The following MEAK7 variants were observed in gnomAD, a reference collection of about 807,000 sequenced individuals.
MEAK7 encodes MTOR-associated protein MEAK7.
Under a neutral mutation model 40.5 loss-of-function variants are expected in MEAK7, and 68 were observed. The ratio of observed to expected loss-of-function variants is 1.68; its 90% CI spans 1.38 to 2.06. The LOEUF (loss-of-function observed/expected upper bound fraction) is 2.06. Ranked by LOEUF, MEAK7 falls within the 30% of genes most tolerant of loss-of-function variation. The probability of loss-of-function intolerance (pLI) is 0.00; values close to 1 mark genes in which losing one functional copy is unlikely to be tolerated. For synonymous variants in MEAK7, 338 were observed against 231.9 expected (o/e 1.46, Z -4.16); for missense variants, 918 against 580.5 (o/e 1.58, Z -5.98).
chr16:84,493,807 GA>G (rs1264633857), intron 3 of MEAK7, among the ~76,000 whole-genome samples: 3 of 152,176 alleles, frequency 2.0e-5, no homozygotes, highest in African/African-American at 7.2e-5. Flanking sequence ...AGATTACCTT[GA>G]GAAAATGAAG....
chr16:84,498,584 T>C (rs1453526923), intron 1 of MEAK7, among the ~76,000 whole-genome samples: 2 of 152,064 alleles, frequency 1.3e-5, no homozygotes, highest in Non-Finnish European at 2.9e-5. Flanking sequence ...TAATATTGTT[T>C]TGATGTGACA....
chr16:84,501,710 G>C (rs896693521), intron 1 of MEAK7, among the ~76,000 whole-genome samples: 1 of 152,146 alleles, frequency 6.6e-6, no homozygotes, highest in Non-Finnish European at 1.5e-5. Context: ...TGCCAGTGAG[G>C]TGGGAAGGTG....
At chr16:84,494,697 G>C (rs530829851) in intron 3 of MEAK7, 1 of 393,110 alleles carries the variant, frequency 2.5e-6, no homozygotes, top group East Asian at 8.0e-5. Context: ...CGGGACATGA[G>C]ACTTCACAAC....
chr16:84,489,501 A>G, intron 3 of MEAK7, 79 bp from the exon 4 acceptor site: 1 of 1,474,232 alleles, frequency 6.8e-7, no homozygotes, highest in Non-Finnish European at 9.1e-7. Context: ...GGAGAAGGGC[A>G]ATTTTCTTTA....
At chr16:84,480,814 G>A in intron 6 of MEAK7, 106 bp from the exon 7 acceptor site, 1 of 1,270,546 alleles carries the variant, frequency 7.9e-7, no homozygotes, top group Non-Finnish European at 1.1e-6. Flanking sequence ...CCTGAGACAG[G>A]GGCGGGTGAG....
rs556419175 is a variant in MEAK7 at position 84,500,323 on chromosome 16, G to C, written c.-25-2212C>G. ...TCCAATTTCCAGTGTCGACACCTAG[G>C]AGTGGACTTGCTGGGTCACATGGTA... On this transcript the variant is annotated intron_variant, in intron 1 of 7. Transcript: ENST00000343629. Among the ~76,000 whole-genome samples, 8 of 152,244 alleles carry C rather than the reference G, an allele frequency of 5.3e-5. No homozygotes were observed. In the South Asian group the frequency reaches 1.0e-3, roughly 20 times the overall value.
intron 1 of MEAK7, among the ~76,000 whole-genome samples, chr16:84,500,788 G>A (rs1420844382): frequency 6.6e-6 from 1 of 152,138 alleles, no homozygotes; most frequent in African/African-American, 2.4e-5. Context: ...TCTGGGTGCT[G>A]CAGGGACACA....
chr16:84,495,867 T>C lies in MEAK7; in HGVS notation c.200A>G (p.Tyr67Cys), dbSNP rs757139711. ...ALPPEMVTRL[Y>C]DGMRRVDLTG... ...CAGGTCGACCCTCCGCATGCCATCA[T>C]ACAGCCTGGTGACCATCTCTGGGGG... Residue 67 changes from tyrosine (Y) to cysteine (C), a missense_variant, in exon 3 of 8, where the codon TAT (tyrosine) becomes TGT (cysteine). Physicochemically the swap from Tyr to Cys is radical, Grantham distance 194 (BLOSUM62 -2). Coordinates refer to ENST00000343629, the MANE Select transcript of MEAK7 (RefSeq NM_020947.4). 6 of 1,613,996 alleles carry C rather than the reference T, an allele frequency of 3.7e-6. No homozygotes were observed. Among genetic ancestry groups the C allele is most frequent in the Middle Eastern group, 1.6e-4 (1 of 6,084 alleles).
At chr16:84,492,520 C>G (rs187523782) in intron 3 of MEAK7, among the ~76,000 whole-genome samples, 8 of 151,828 alleles carry the variant, frequency 5.3e-5, no homozygotes, top group Admixed American at 4.6e-4. Context: ...GGCTAAATGA[C>G]TTATTTTACA....
chr16:84,483,881 A>C (rs1373645208), intron 5 of MEAK7, among the ~76,000 whole-genome samples: 1 of 152,248 alleles, frequency 6.6e-6, no homozygotes, highest in East Asian at 1.9e-4. Flanking sequence ...TGGAGGAAGG[A>C]GGATAGTTAG....
intron 2 of MEAK7, among the ~76,000 whole-genome samples, chr16:84,496,895 A>T (rs1373551041): frequency 6.6e-6 from 1 of 152,142 alleles, no homozygotes; most frequent in African/African-American, 2.4e-5. Flanking sequence ...GCATGTCGGA[A>T]TTTATTAACA....
At position 84,495,895 on chromosome 16, in the gene MEAK7, G is replaced by A. The variant is rs1380044150; in HGVS notation, c.172C>T (p.Leu58Phe). The A allele has an allele frequency of 1.9e-6, 3 of 1,614,054 alleles. No homozygotes were observed. Among genetic ancestry groups the A allele is most frequent in the East Asian group, 2.2e-5 (1 of 44,878 alleles). The part of the protein sequence containing the change: ...KALQNHVGEA[L>F]PPEMVTRLYD... ...AGCCTGGTGACCATCTCTGGGGGAA[G>A]AGCTTCCCCGACGTGGTTCTGCCGG... is the stretch of plus-strand genomic sequence containing the variant. Residue 58 changes from leucine to phenylalanine, a missense_variant, in exon 3 of 8, where the codon CTT becomes TTT. By Grantham distance (22) the Leu-to-Phe change is conservative (BLOSUM62 0). Coordinates refer to ENST00000343629, the MANE Select transcript of MEAK7 (RefSeq NM_020947.4).
chr16:84,486,028 G>C (rs1425869789), intron 5 of MEAK7: 1 of 149,338 alleles, frequency 6.7e-6, no homozygotes, highest in East Asian at 1.9e-4. Flanking sequence ...GTCTCACTAT[G>C]TTGCCCATGC....
At chr16:84,480,434 G>A (rs983078337) in intron 7 of MEAK7, 95 bp downstream of exon 7, 44 of 1,394,890 alleles carry the variant, frequency 3.2e-5, no homozygotes, top group African/African-American at 4.4e-5. Context: ...TAAACTATCT[G>A]CAGACAGAAG....
intron 3 of MEAK7, among the ~76,000 whole-genome samples, chr16:84,493,481 C>G (rs1913798082): frequency 6.6e-6 from 1 of 152,218 alleles, no homozygotes; most frequent in African/African-American, 2.4e-5. Flanking sequence ...ACCGAACTAA[C>G]AGATGACCGA....
At chr16:84,499,211 A>C (rs1182921568) in intron 1 of MEAK7, among the ~76,000 whole-genome samples, 2 of 152,188 alleles carry the variant, frequency 1.3e-5, no homozygotes, top group South Asian at 4.1e-4. Context: ...GGATTCAAAC[A>C]AAAAAGCATG....
Position 84,488,694 on chromosome 16 carries a change from T to C in MEAK7, c.529+584A>G, listed in dbSNP as rs535273919. On this transcript the variant is annotated intron_variant, in intron 4 of 7. Transcript: ENST00000343629. ...AAATAACACACTGTTACATAGCCAG[T>C]AGGCCAAATGAAAAAATCCTAAGGG... Among the ~76,000 whole-genome samples the C allele has an allele frequency of 2.0e-5, 3 of 152,260 alleles. No homozygotes were observed. The South Asian group carries it at 6.2e-4, about 32-fold the overall frequency.
At chr16:84,483,665 GC>G (rs1182226841) in intron 5 of MEAK7, among the ~76,000 whole-genome samples, 4 of 152,330 alleles carry the variant, frequency 2.6e-5, no homozygotes, top group Non-Finnish European at 4.4e-5. Context: ...TAGAGTGTGG[GC>G]TGACACCGCC....
chr16:84,485,637 T>G (rs1325538561), intron 5 of MEAK7, among the ~76,000 whole-genome samples: 2 of 99,974 alleles, frequency 2.0e-5, no homozygotes, highest in Non-Finnish European at 4.9e-5. Context: ...AAACTATCTA[T>G]CTATCCATCC....
Sources: allele counts gnomAD v4.1 joint callset (sites outside exome capture counted in the v4.1 genomes callset), GRCh38; gene constraint gnomAD v4.1.1; transcripts MANE v1.5; gene names NCBI Gene and HGNC (gene_info 2026-07-23, HGNC 2026-07-21).